ARL6IP1: variants seen among roughly 807,000 people sequenced by gnomAD.
ARL6IP1 encodes ADP-ribosylation factor-like protein 6-interacting protein 1.
ARL6IP1 carries 16 observed loss-of-function variants against 30.1 expected under a neutral mutation model. That is an observed-to-expected ratio of 0.53 (90% CI 0.36 to 0.81). ARL6IP1 has a LOEUF of 0.81. ARL6IP1 is among the 30% of genes least tolerant of loss of function. ARL6IP1 has a pLI of 0.01. For missense variants in ARL6IP1, 173 were observed against 242.7 expected, an observed-to-expected ratio of 0.71 and a Z score of 1.91; for synonymous variants, 72 against 84.8, an observed-to-expected ratio of 0.85 and a Z score of 0.83.
At chr16:18,795,794 AGAGT>A (rs1457588270) in intron 3 of ARL6IP1, among the ~76,000 whole-genome samples, 3 of 151,034 alleles carry the variant, frequency 2.0e-5, no homozygotes, top group Non-Finnish European at 2.9e-5. Context: ...TGTGAGAGAG[AGAGT>A]GTGTGTGTGT....
At chr16:18,794,341 G>A (rs889871338) in intron 5 of ARL6IP1, among the ~76,000 whole-genome samples, 2 of 152,190 alleles carry the variant, frequency 1.3e-5, no homozygotes, top group Admixed American at 6.5e-5. Flanking sequence ...CCACTGGGAT[G>A]TATCCCCAGA....
intron 2 of ARL6IP1, chr16:18,798,409 ATT>A: frequency 2.9e-6 from 1 of 347,002 alleles, no homozygotes; most frequent in Non-Finnish European, 5.2e-6. Flanking sequence ...AAACCTGTAC[ATT>A]CTACACATGT....
chr16:18,794,473 C>A, intron 5 of ARL6IP1, 126 bp downstream of exon 5: 1 of 610,434 alleles, frequency 1.6e-6, no homozygotes, highest in Admixed American at 3.0e-5. Flanking sequence ...CCATAATAAT[C>A]TTTCCATATT....
chr16:18,799,113 G>A (rs2030330252), intron 1 of ARL6IP1, among the ~76,000 whole-genome samples: 1 of 151,846 alleles, frequency 6.6e-6, no homozygotes. Context: ...TCCGCCTCCT[G>A]GGTTCAAGCG....
At chr16:18,795,391 C>A in intron 4 of ARL6IP1, 73 bp downstream of exon 4, 1 of 980,824 alleles carries the variant, frequency 1.0e-6, no homozygotes, top group Non-Finnish European at 1.6e-6. Context: ...CAAATTATAG[C>A]TATTAAGACA....
intron 3 of ARL6IP1, among the ~76,000 whole-genome samples, chr16:18,795,809 G>C (rs1436986933): frequency 6.6e-6 from 1 of 152,152 alleles, no homozygotes; most frequent in Non-Finnish European, 1.5e-5. Context: ...GTGTGTGTGT[G>C]TGCGTGTGAT....
intron 1 of ARL6IP1, 70 bp downstream of exon 1, chr16:18,801,361 C>T: frequency 6.3e-7 from 1 of 1,593,052 alleles, no homozygotes; most frequent in Non-Finnish European, 8.5e-7. Flanking sequence ...GGGACGAGGC[C>T]GCGGTGTTTG....
intron 1 of ARL6IP1, chr16:18,801,115 G>T: frequency 8.3e-7 from 1 of 1,206,018 alleles, no homozygotes; most frequent in Non-Finnish European, 1.1e-6. Context: ...GCGCTGGACA[G>T]GCCCCAGGAG....
In ARL6IP1 at chr16:18,801,437, G is replaced by A. The variant is rs750745273; in HGVS notation, c.30C>T (p.Asn10=). ...ACAGGCAGCCAGGACTCACCAGCAG[G>A]TTGGTGCTGCGATTATCTCCCTCCG... is the stretch of plus-strand genomic sequence containing the variant. The part of the protein sequence containing the change: MAEGDNRST[N]LLAAETASLE... Residue 10 remains asparagine (N), a synonymous_variant, in exon 1 of 6, where the codon AAC becomes AAT. Coordinates refer to ENST00000304414, the MANE Select transcript of ARL6IP1 (RefSeq NM_015161.3). The A allele has an allele frequency of 6.2e-7, 1 of 1,613,026 alleles. No homozygotes were observed. The highest frequency in any genetic ancestry group is 2.2e-5 in the East Asian group (1 of 44,834).
chr16:18,799,580 G>A (rs1223983661), intron 1 of ARL6IP1, among the ~76,000 whole-genome samples: 1 of 152,082 alleles, frequency 6.6e-6, no homozygotes, highest in East Asian at 1.9e-4. Flanking sequence ...TCATCTTATT[G>A]ATTTAAACCC....
chr16:18,797,748 A>G, intron 3 of ARL6IP1, 177 bp downstream of exon 3: 1 of 741,164 alleles, frequency 1.3e-6, no homozygotes, highest in Non-Finnish European at 2.1e-6. Flanking sequence ...GGAGTACAGA[A>G]AATTCATAGT....
At position 18,792,813 on chromosome 16, in the gene ARL6IP1, G is replaced by A. The variant is rs139969480; in HGVS notation, c.*439C>T. On this transcript the variant is annotated 3_prime_UTR_variant, in exon 6 of 6. Transcript: ENST00000304414. ...TGGTAAACTTGGTCTCTATATTCACGAAGTCAGACAGTTTTTTAAGCAGAC... is the reference window on the plus strand; with the variant it reads ...TGGTAAACTTGGTCTCTATATTCACAAAGTCAGACAGTTTTTTAAGCAGAC... 9.0e-3 allele frequency: 1,382 copies of A among 152,972 alleles called. 12 individuals are homozygous for A. The highest frequency in any genetic ancestry group is 0.031 in the Middle Eastern group (9 of 294). 9.5% of individuals were successfully genotyped at this position (152,972 alleles called of 1,614,324 possible). A position where few individuals can be genotyped will look rare whatever the true frequency, so the allele number is the denominator to read the frequency against.
At chr16:18,801,278 C>A in intron 1 of ARL6IP1, 153 bp downstream of exon 1, 1 of 1,469,478 alleles carries the variant, frequency 6.8e-7, no homozygotes, top group Middle Eastern at 2.4e-4. Flanking sequence ...ACCCAGGAGT[C>A]ACCCAAGAAG....
In ARL6IP1 at chr16:18,801,438, T is replaced by C. The variant is rs200140310; in HGVS notation, c.29A>G (p.Asn10Ser). Residue 10 changes from asparagine to serine, a missense_variant, in exon 1 of 6, where the codon AAC (asparagine) becomes AGC (serine). Physicochemically the swap from Asn to Ser is conservative, Grantham distance 46. Transcript: ENST00000304414. ...CAGGCAGCCAGGACTCACCAGCAGG[T>C]TGGTGCTGCGATTATCTCCCTCCGC... MAEGDNRSTNLLAAETASLE... is the reference protein window; with the variant it reads MAEGDNRSTSLLAAETASLE... The C allele has an allele frequency of 1.1e-3, 1,745 of 1,612,490 alleles. 24 individuals carry two copies. In the South Asian group the frequency reaches 0.018, roughly 17 times the overall value.
Position 18,792,251 on chromosome 16 carries a change from C to G in ARL6IP1, c.*1001G>C, listed in dbSNP as rs2030090214. ...AAAAAGTCAGACACCAGTGTAGTCA[C>G]TATCTCCCATGTCAAACCTAGGGGA... On this transcript the variant is annotated 3_prime_UTR_variant, in exon 6 of 6. Coordinates refer to ENST00000304414, the MANE Select transcript of ARL6IP1 (RefSeq NM_015161.3). 1 of 152,174 alleles carries G rather than the reference C, an allele frequency of 6.6e-6. No individual in the cohort carries two copies. The highest frequency in any genetic ancestry group is 6.5e-5 in the Admixed American group (1 of 15,278). 9.4% of individuals were successfully genotyped at this position (152,174 alleles called of 1,614,324 possible). A position where few individuals can be genotyped will look rare whatever the true frequency, so the allele number is the denominator to read the frequency against.
At chr16:18,794,833 T>C (rs1396187139) in intron 4 of ARL6IP1, 150 bp from the exon 5 acceptor site, 5 of 542,066 alleles carry the variant, frequency 9.2e-6, no homozygotes, top group Non-Finnish European at 1.6e-5. Context: ...ATTCTTAGAT[T>C]TAAAAACCTA....
At chr16:18,800,729 G>A (rs2030381738) in intron 1 of ARL6IP1, among the ~76,000 whole-genome samples, 1 of 152,134 alleles carries the variant, frequency 6.6e-6, no homozygotes, top group South Asian at 2.1e-4. Context: ...TTGCCCACAA[G>A]GTGCGCTTAA....
rs1410615497 is a variant in ARL6IP1, at chr16:18,798,144, A to T, written c.171-100T>A. Reference sequence around the variant, plus strand: ...TTCACTTAACTATTCACCGCCTCTCAGAGATATTTGCCATTTTTCTTCTAA... The same window carrying T: ...TTCACTTAACTATTCACCGCCTCTCTGAGATATTTGCCATTTTTCTTCTAA... On this transcript the variant is annotated intron_variant, in intron 2 of 5. Coordinates refer to ENST00000304414, the MANE Select transcript of ARL6IP1 (RefSeq NM_015161.3). The T allele has an allele frequency of 7.6e-6, 9 of 1,190,984 alleles. 1 individual carries two copies. The South Asian group carries it at 1.4e-4, about 19-fold the overall frequency. 73.8% of individuals were successfully genotyped at this position (1,190,984 alleles called of 1,614,324 possible).
Sources: gnomAD v4.1 joint callset for allele counts (sites outside exome capture counted in the v4.1 genomes callset) on GRCh38, gnomAD v4.1.1 for gene constraint, MANE v1.5 for transcripts, NCBI Gene and HGNC (gene_info 2026-07-23, HGNC 2026-07-21) for gene names.